The following INO80 variants were observed in gnomAD, a reference collection of about 807,000 sequenced individuals.
INO80 encodes the protein INO80 complex ATPase subunit, also known as chromatin-remodeling ATPase INO80.
In INO80, 20 loss-of-function variants were observed where a neutral mutation model predicts 203.4. The observed-to-expected ratio is 0.10, with a 90% CI of 0.07 to 0.14. INO80 has a LOEUF of 0.14. Among genes scored for constraint, INO80 ranks in the 10% least tolerant of loss-of-function variants. INO80 has a pLI of 1.00. For synonymous variants in INO80, 726 were observed against 685.2 expected (o/e 1.06, Z -0.93); for missense variants, 1,419 against 1,914.4 (o/e 0.74, Z 4.83).
At position 40,984,002 on chromosome 15, in the gene INO80, A is replaced by G. The variant is rs1324619687; in HGVS notation, c.4078-81T>C. Reference sequence around the variant, plus strand: ...TTGCACCCAGCTAGGAACATGCTTCACAGTTGAGGCTGCTTTGGCTTCTGA... The same window carrying G: ...TTGCACCCAGCTAGGAACATGCTTCGCAGTTGAGGCTGCTTTGGCTTCTGA... On this transcript the variant is annotated intron_variant, in intron 33 of 35. Transcript: ENST00000648947. 4 of 1,517,928 alleles carry G rather than the reference A, an allele frequency of 2.6e-6. No individual in the cohort carries two copies. The Admixed American group carries it at 5.1e-5, about 19-fold the overall frequency. The allele number at this position is 1,517,928 out of a possible 1,614,324, so 94.0% of individuals were successfully genotyped here.
chr15:41,008,594 C>T (rs1442737791), intron 27 of INO80, among the ~76,000 whole-genome samples: 3 of 152,124 alleles, frequency 2.0e-5, no homozygotes, highest in Admixed American at 6.5e-5. Flanking sequence ...TAAATATATA[C>T]AATTTTTATT....
chr15:41,020,359 C>T (rs1486986766), intron 26 of INO80, among the ~76,000 whole-genome samples: 3 of 152,180 alleles, frequency 2.0e-5, no homozygotes, highest in African/African-American at 7.2e-5. Flanking sequence ...GTTCAGTTTC[C>T]TTAAAAGTAG....
At chr15:41,091,337 G>C (rs1398127407) in intron 5 of INO80, among the ~76,000 whole-genome samples, 1 of 152,194 alleles carries the variant, frequency 6.6e-6, no homozygotes, top group Non-Finnish European at 1.5e-5. Context: ...TGGGATTACA[G>C]GCGTGAGCCA....
intron 24 of INO80, among the ~76,000 whole-genome samples, chr15:41,033,159 T>C (rs1346613530): frequency 1.3e-5 from 2 of 152,250 alleles, no homozygotes; most frequent in Non-Finnish European, 2.9e-5. Flanking sequence ...TACTGTACTC[T>C]GTGTCTGCCA....
chr15:41,015,772 C>CT (rs1241525493), intron 27 of INO80, among the ~76,000 whole-genome samples: 7 of 106,448 alleles, frequency 6.6e-5, no homozygotes, highest in Non-Finnish European at 1.1e-4. Context: ...CCCATCTCTA[C>CT]TTAAAAAAAA....
chr15:40,980,986 G>C (rs1469429560), intron 35 of INO80, among the ~76,000 whole-genome samples: 1 of 152,156 alleles, frequency 6.6e-6, no homozygotes, highest in Non-Finnish European at 1.5e-5. Context: ...GTCACTTCAA[G>C]GGCACAGCTC....
chr15:41,031,326 A>G (rs1426116966), intron 24 of INO80, among the ~76,000 whole-genome samples: 2 of 151,728 alleles, frequency 1.3e-5, no homozygotes, highest in Non-Finnish European at 2.9e-5. Flanking sequence ...GAATACCTTA[A>G]GCAATATTGT....
chr15:40,980,902 C>A (rs1383998121), intron 35 of INO80, among the ~76,000 whole-genome samples: 1 of 152,182 alleles, frequency 6.6e-6, no homozygotes, highest in African/African-American at 2.4e-5. Flanking sequence ...AGGCTGCCCA[C>A]TCTCTATCCT....
At chr15:40,993,527 G>A (rs569379187) in intron 29 of INO80, among the ~76,000 whole-genome samples, 1 of 152,222 alleles carries the variant, frequency 6.6e-6, no homozygotes, top group African/African-American at 2.4e-5. Context: ...GGAGGCGGAG[G>A]CAGGCAGATC....
intron 29 of INO80, among the ~76,000 whole-genome samples, chr15:40,988,272 C>T (rs936220): frequency 0.97 from 148,316 of 152,318 alleles, 72,333 homozygotes; most frequent in East Asian, 1. Flanking sequence ...TTAACACTTA[C>T]AGTGCATTGT....
chr15:41,076,447 A>G lies in INO80; in HGVS notation c.1132-1882T>C, dbSNP rs1566939770. On this transcript the variant is annotated intron_variant, in intron 9 of 35. Transcript: ENST00000648947. ...CAAAAAACGAATATAGACTGAATACACATACATGTGCAAACTTTCTTTTTT... is the reference window on the plus strand; with the variant it reads ...CAAAAAACGAATATAGACTGAATACGCATACATGTGCAAACTTTCTTTTTT... Among the ~76,000 whole-genome samples, 3 of 150,762 alleles carry G rather than the reference A, an allele frequency of 2.0e-5. No homozygotes were observed. The South Asian group carries it at 6.2e-4, about 31-fold the overall frequency.
intron 31 of INO80, 39 bp downstream of exon 31, chr15:40,987,052 G>T: frequency 8.5e-7 from 1 of 1,177,394 alleles, no homozygotes; most frequent in South Asian, 1.2e-5. Context: ...TCCATTCTCA[G>T]ATACGTGAGG....
Position 41,045,052 on chromosome 15 carries a change from A to G in INO80, c.2759T>C (p.Leu920Pro). 2.5e-6 allele frequency: 4 copies of G among 1,606,728 alleles called. No individual in the cohort carries two copies. Among genetic ancestry groups the G allele is most frequent in the Non-Finnish European group, 3.4e-6 (4 of 1,178,076 alleles). ...CTGATGGAGCCTGTAGGAGGCTTTC[A>G]GAGACAGGAAAAGAGCTAACCATCT... is the stretch of plus-strand genomic sequence containing the variant. ...LARWLALFLSLKASYRLHQLR... is the reference protein window; with the variant it reads ...LARWLALFLSPKASYRLHQLR... Residue 920 changes from leucine (L) to proline (P), a missense_variant, in exon 24 of 36, where the codon CTG becomes CCG. Around this residue, in one of 9 missense-constraint regions of INO80, gnomAD observed 302 missense variants for 345.4 expected, o/e 0.87. Transcript: ENST00000648947.
intron 24 of INO80, among the ~76,000 whole-genome samples, chr15:41,042,619 G>A (rs761930460): frequency 5.9e-5 from 9 of 151,584 alleles, no homozygotes; most frequent in Non-Finnish European, 1.0e-4. Context: ...GATTACAGGC[G>A]TGTGCCACCA....
rs535944857 is a variant in INO80, at chr15:41,113,064, C to A, written c.-44+2909G>T. Among the ~76,000 whole-genome samples, 35 of 151,448 alleles carry A rather than the reference C, an allele frequency of 2.3e-4. 1 individual carries two copies. The highest frequency in any genetic ancestry group is 8.0e-4 in the African/African-American group (33 of 41,328). ...CCAAGTAGCTGGGACTACAGGTGCACATCACCATGCTTAGCTAATTTTTGT... is the reference window on the plus strand; with the variant it reads ...CCAAGTAGCTGGGACTACAGGTGCAAATCACCATGCTTAGCTAATTTTTGT... On this transcript the variant is annotated intron_variant, in intron 1 of 35. Coordinates refer to ENST00000648947, the MANE Select transcript of INO80 (RefSeq NM_017553.3).
chr15:41,099,361 T>C (rs2045773984), intron 1 of INO80, among the ~76,000 whole-genome samples: 1 of 151,476 alleles, frequency 6.6e-6, no homozygotes, highest in Non-Finnish European at 1.5e-5. Context: ...TGGCGATAGT[T>C]CCACAATTCT....
intron 24 of INO80, among the ~76,000 whole-genome samples, chr15:41,038,256 C>T (rs1371484858): frequency 2.0e-5 from 3 of 151,830 alleles, no homozygotes; most frequent in African/African-American, 7.3e-5. Context: ...GTGATCCGCC[C>T]ACCTCAGCCT....
At chr15:41,099,068 G>A (rs2045766228) in intron 1 of INO80, among the ~76,000 whole-genome samples, 1 of 151,166 alleles carries the variant, frequency 6.6e-6, no homozygotes, top group South Asian at 2.1e-4. Context: ...AACATAGCAG[G>A]ACCGTGTCCC....
intron 29 of INO80, among the ~76,000 whole-genome samples, chr15:40,988,319 C>G (rs1380548720): frequency 6.6e-6 from 1 of 152,148 alleles, no homozygotes; most frequent in East Asian, 1.9e-4. Flanking sequence ...CCAGAATTAT[C>G]ACTGTTATTT....
Sources: gnomAD v4.1 joint callset for allele counts (sites outside exome capture counted in the v4.1 genomes callset) on GRCh38, gnomAD v4.1.1 for gene constraint, gnomAD v4.1.1 regional missense constraint, MANE v1.5 for transcripts, NCBI Gene and HGNC (gene_info 2026-07-23, HGNC 2026-07-21) for gene names.